Variants in WRN observed in about 807,000 individuals in gnomAD.
WRN encodes the protein bifunctional 3'-5' exonuclease/ATP-dependent helicase WRN.
Under a neutral mutation model 180.7 loss-of-function variants are expected in WRN, and 149 were observed. The ratio of observed to expected loss-of-function variants is 0.82; its 90% confidence interval spans 0.72 to 0.94. The LOEUF (loss-of-function observed/expected upper bound fraction) is 0.94. WRN is among the 40% of genes least tolerant of loss of function. The pLI is 0.00. For missense variants in WRN, 1,661 were observed against 1,700.1 expected (o/e 0.98, Z 0.40); for synonymous variants, 548 against 568.9 (o/e 0.96, Z 0.52).
At chr8:31,160,468 A>C (rs1261364578) in intron 33 of WRN, among the ~76,000 whole-genome samples, 1 of 152,200 alleles carries the variant, frequency 6.6e-6, no homozygotes, top group South Asian at 2.1e-4. Context: ...AGGCAGAGAG[A>C]GGAAAATAGT....
At chr8:31,136,752 G>A (rs1401685043) in intron 24 of WRN, among the ~76,000 whole-genome samples, 2 of 152,082 alleles carry the variant, frequency 1.3e-5, no homozygotes, top group Admixed American at 6.6e-5. Flanking sequence ...TGGGAGGATC[G>A]ATTGAATCTA....
At chr8:31,072,733 AT>A (rs755240716) in intron 7 of WRN, among the ~76,000 whole-genome samples, 2 of 152,210 alleles carry the variant, frequency 1.3e-5, no homozygotes, top group Non-Finnish European at 2.9e-5. Context: ...ACGTTTATTG[AT>A]GCATATAACA....
At chr8:31,164,256 GA>G (rs1203105498) in intron 33 of WRN, among the ~76,000 whole-genome samples, 1 of 152,072 alleles carries the variant, frequency 6.6e-6, no homozygotes, top group Non-Finnish European at 1.5e-5. Context: ...TCTTACTGGA[GA>G]AAACATTGTT....
intron 8 of WRN, 127 bp from the exon 9 acceptor site, chr8:31,080,740 C>G: frequency 5.1e-6 from 4 of 785,248 alleles, no homozygotes; most frequent in Non-Finnish European, 8.0e-6. Flanking sequence ...GAAGAACAGC[C>G]TTAATACTAT....
intron 16 of WRN, among the ~76,000 whole-genome samples, chr8:31,093,488 T>A (rs1342195157): frequency 6.6e-6 from 1 of 152,242 alleles, no homozygotes; most frequent in African/African-American, 2.4e-5. Context: ...TTACATTTTC[T>A]TATTGATAGA....
At position 31,067,032 on chromosome 8, in the gene WRN, G is replaced by A. The variant is rs1415757819; in HGVS notation, c.505-1G>A. Reference sequence around the variant, plus strand: ...CTGTGTTGCTTTTTCATCATTTCTAGCTGAAATGCACAGAGACCTGGAGCC... The same window carrying A: ...CTGTGTTGCTTTTTCATCATTTCTAACTGAAATGCACAGAGACCTGGAGCC... On this transcript the variant is annotated splice_acceptor_variant, in intron 5 of 34. Coordinates refer to ENST00000298139, the MANE Select transcript of WRN (RefSeq NM_000553.6). LOFTEE classifies it high-confidence loss of function. The A allele has an allele frequency of 6.2e-7, 1 of 1,613,594 alleles. No homozygotes were observed.
At chr8:31,069,089 C>A (rs1228242669) in intron 7 of WRN, among the ~76,000 whole-genome samples, 1 of 152,230 alleles carries the variant, frequency 6.6e-6, no homozygotes, top group Non-Finnish European at 1.5e-5. Flanking sequence ...CTATTCGAAG[C>A]ATCTGTATTG....
Position 31,091,979 on chromosome 8 carries a change from G to A in WRN, c.1898+81G>A, listed in dbSNP as rs1050717394. The A allele has an allele frequency of 6.3e-6, 8 of 1,273,498 alleles. No individual in the cohort carries two copies. The East Asian group carries it at 7.1e-5, about 11-fold the overall frequency. The allele number at this position is 1,273,498 out of a possible 1,614,324, so 78.9% of individuals were successfully genotyped here. Reference sequence around the variant, plus strand: ...AGTTTGTTACGTGGGTGAATTACATGTTGCTGAGGAAGTTGTGAGTAATTT... The same window carrying A: ...AGTTTGTTACGTGGGTGAATTACATATTGCTGAGGAAGTTGTGAGTAATTT... On this transcript the variant is annotated intron_variant, in intron 16 of 34. Transcript: ENST00000298139.
chr8:31,043,179 A>T (rs998212340), intron 1 of WRN, among the ~76,000 whole-genome samples: 2 of 152,178 alleles, frequency 1.3e-5, no homozygotes, highest in Non-Finnish European at 2.9e-5. Context: ...GGTTTCTTGT[A>T]TGCTTGTAAG....
Position 31,157,417 on chromosome 8 carries a change from A to C in WRN, c.3869A>C (p.His1290Pro). The C allele has an allele frequency of 1.2e-6, 2 of 1,614,086 alleles. No homozygotes were observed. The highest frequency in any genetic ancestry group is 2.2e-5 in the South Asian group (2 of 91,078). The change falls in exon 33 of 35, where the codon CAC becomes CCC. Residue 1290 changes from histidine to proline, a missense_variant. His to Pro is a moderately conservative substitution (Grantham distance 77, BLOSUM62 -2). Transcript: ENST00000298139. ...CTGCCTCTCATGACAATTGGCATGC[A>C]CTTATCCCAAGCGGTGAAAGCTGGC... ...RILPLMTIGM[H>P]LSQAVKAGCP... is the part of the protein sequence containing the mutation.
At position 31,113,834 on chromosome 8, in the gene WRN, C is replaced by G. The variant is rs75344564; in HGVS notation, c.2273+2035C>G. ...TATAATTTCCCCAACAGATACCCCT[C>G]TCCCCAGTGCCCCTTGTTGCTTTCT... On this transcript the variant is annotated intron_variant, in intron 19 of 34. Transcript: ENST00000298139. Among the ~76,000 whole-genome samples, 149 of 152,248 alleles carry G rather than the reference C, an allele frequency of 9.8e-4. 1 individual carries two copies. The highest frequency in any genetic ancestry group is 3.4e-3 in the African/African-American group (141 of 41,540).
intron 18 of WRN, among the ~76,000 whole-genome samples, chr8:31,101,955 G>A (rs1800888286): frequency 6.6e-6 from 1 of 151,526 alleles, no homozygotes; most frequent in Non-Finnish European, 1.5e-5. Flanking sequence ...CCTATATAGA[G>A]GTCCTATGTA....
intron 11 of WRN, among the ~76,000 whole-genome samples, chr8:31,086,862 A>G (rs1008694436): frequency 6.6e-6 from 1 of 152,218 alleles, no homozygotes; most frequent in Non-Finnish European, 1.5e-5. Flanking sequence ...TACTGTTCCA[A>G]TAGTACATTT....
chr8:31,122,990 T>A (rs1302691350), intron 21 of WRN, among the ~76,000 whole-genome samples: 3 of 151,704 alleles, frequency 2.0e-5, no homozygotes, highest in Non-Finnish European at 2.9e-5. Context: ...GACCCCCTTG[T>A]CTGCATTTTC....
chr8:31,142,608 A>AATTTTATT lies in WRN; in HGVS notation c.3234-12_3234-5dup. 6.4e-7 allele frequency: 1 copy of AATTTTATT among 1,558,240 alleles called. No individual in the cohort carries two copies. The highest frequency in any genetic ancestry group is 8.8e-7 in the Non-Finnish European group (1 of 1,142,156). ...TGCATCTTAACATTTGAAATAATTTAATTTTATTATTTTTTAGTTCGAAAA... is the reference window on the plus strand; with the variant it reads ...TGCATCTTAACATTTGAAATAATTTAATTTTATTATTTTATTATTTTTTAGTTCGAAAA... On this transcript the variant is annotated splice_polypyrimidine_tract_variant and intron_variant, in intron 26 of 34. Transcript: ENST00000298139.
chr8:31,050,287 G>T (rs1767393387), intron 1 of WRN, among the ~76,000 whole-genome samples: 1 of 152,096 alleles, frequency 6.6e-6, no homozygotes, highest in Admixed American at 6.5e-5. Context: ...AGACTTTGAG[G>T]TTATCTTTTT....
intron 21 of WRN, among the ~76,000 whole-genome samples, chr8:31,120,830 C>A (rs1224033207): frequency 2.0e-5 from 3 of 151,944 alleles, no homozygotes; most frequent in African/African-American, 7.2e-5. Flanking sequence ...GTTACTGATT[C>A]TTTCTTCCCA....
chr8:31,080,231 TTA>T (rs1416064361), intron 8 of WRN, among the ~76,000 whole-genome samples: 2 of 152,186 alleles, frequency 1.3e-5, no homozygotes, highest in Non-Finnish European at 2.9e-5. Flanking sequence ...CCCAATATTT[TTA>T]TATATGTCAA....
chr8:31,068,916 C>T (rs1036773592), intron 7 of WRN, among the ~76,000 whole-genome samples: 4 of 152,270 alleles, frequency 2.6e-5, no homozygotes, highest in Non-Finnish European at 4.4e-5. Flanking sequence ...GAAGGAGCCA[C>T]GTAGTAGAGT....
Sources: allele counts gnomAD v4.1 joint callset (sites outside exome capture counted in the v4.1 genomes callset), GRCh38; gene constraint gnomAD v4.1.1; transcripts MANE v1.5; gene names NCBI Gene and HGNC (gene_info 2026-07-23, HGNC 2026-07-21).